The following MSRA variants were observed in gnomAD, a reference collection of about 807,000 sequenced individuals.
The protein encoded by MSRA is mitochondrial peptide methionine sulfoxide reductase.
Under a neutral mutation model 31.3 loss-of-function variants are expected in MSRA, and 54 were observed. The ratio of observed to expected loss-of-function variants is 1.73; its 90% CI spans 1.39 to 2.17. The LOEUF (loss-of-function observed/expected upper bound fraction) is 2.17, where lower values mean the gene tolerates loss of function less well. Ranked by LOEUF, MSRA falls within the 30% of genes most tolerant of loss-of-function variation. The probability of loss-of-function intolerance (pLI) is 0.00; values close to 1 mark genes in which losing one functional copy is unlikely to be tolerated. For missense variants in MSRA, 507 were observed against 300.9 expected, an observed-to-expected ratio of 1.69 and a Z score of -5.07; for synonymous variants, 169 against 116.5, an observed-to-expected ratio of 1.45 and a Z score of -2.90.
At chr8:10,369,806 G>A (rs1310752880) in intron 5 of MSRA, among the ~76,000 whole-genome samples, 3 of 152,114 alleles carry the variant, frequency 2.0e-5, no homozygotes, top group Non-Finnish European at 4.4e-5. Context: ...AGTCACAGAA[G>A]CAAAAATACA....
intron 3 of MSRA, among the ~76,000 whole-genome samples, chr8:10,250,130 C>A (rs1186504108): frequency 6.6e-6 from 1 of 152,208 alleles, no homozygotes; most frequent in African/African-American, 2.4e-5. Flanking sequence ...CACACACACA[C>A]ACCCTCAAAC....
intron 3 of MSRA, among the ~76,000 whole-genome samples, chr8:10,285,164 A>T (rs1458895280): frequency 6.6e-6 from 1 of 152,076 alleles, no homozygotes; most frequent in African/African-American, 2.4e-5. Context: ...AGCTCTCTTC[A>T]TCTTGTAAAA....
intron 5 of MSRA, among the ~76,000 whole-genome samples, chr8:10,334,507 A>G (rs1032346347): frequency 2.6e-5 from 4 of 152,052 alleles, no homozygotes; most frequent in Admixed American, 2.0e-4. Context: ...CGTTTCCTAC[A>G]GGGGCAGTGC....
chr8:10,289,571 T>C (rs1040643255), intron 3 of MSRA, among the ~76,000 whole-genome samples: 1 of 152,224 alleles, frequency 6.6e-6, no homozygotes, highest in African/African-American at 2.4e-5. Context: ...TTATTGACTA[T>C]AGTCACCCTG....
intron 5 of MSRA, among the ~76,000 whole-genome samples, chr8:10,394,730 T>C (rs1563430844): frequency 1.3e-5 from 2 of 152,342 alleles, no homozygotes; most frequent in East Asian, 3.9e-4. Context: ...CCCCAGCAGA[T>C]TGTATCAGCT....
Position 10,341,881 on chromosome 8 carries a change from A to G in MSRA, c.543+21892A>G, listed in dbSNP as rs188196323. Among the ~76,000 whole-genome samples the G allele has an allele frequency of 2.0e-5, 3 of 152,342 alleles. No homozygotes were observed. The East Asian group carries it at 5.8e-4, about 29-fold the overall frequency. ...ACAGTCAGCTGTTGATGAGGAAGGC[A>G]TGGCTCGGGACAGTGCCAGCTAAGA... On this transcript the variant is annotated intron_variant, in intron 5 of 5. Coordinates refer to ENST00000317173, the MANE Select transcript of MSRA (RefSeq NM_012331.5).
rs1806839238 is a variant in MSRA, at chr8:10,184,430, T to C, written c.143-23403T>C. On this transcript the variant is annotated intron_variant, in intron 1 of 5. Transcript: ENST00000317173. Reference sequence around the variant, plus strand: ...TAAACCTTGATAACTACTTTCTCTCTAGATGTAAAAGGTTTGGCTGGTGTT... The same window carrying C: ...TAAACCTTGATAACTACTTTCTCTCCAGATGTAAAAGGTTTGGCTGGTGTT... Among the ~76,000 whole-genome samples the C allele has an allele frequency of 3.3e-5, 5 of 152,188 alleles. No individual in the cohort carries two copies. The South Asian group carries it at 6.3e-4, about 19-fold the overall frequency.
intron 5 of MSRA, among the ~76,000 whole-genome samples, chr8:10,323,382 G>A (rs764660252): frequency 2.0e-5 from 3 of 152,100 alleles, no homozygotes; most frequent in Non-Finnish European, 2.9e-5. Context: ...AATACCAAGC[G>A]ACTCTGGAAG....
chr8:10,423,390 C>G (rs1170871276), intron 5 of MSRA, among the ~76,000 whole-genome samples: 1 of 152,174 alleles, frequency 6.6e-6, no homozygotes, highest in South Asian at 2.1e-4. Context: ...CCATCACTGA[C>G]TGGGACACCT....
intron 1 of MSRA, among the ~76,000 whole-genome samples, chr8:10,169,685 A>T (rs755918173): frequency 1.3e-5 from 2 of 152,244 alleles, no homozygotes; most frequent in African/African-American, 4.8e-5. Flanking sequence ...AATCTTGCCC[A>T]TGTTCATTCC....
At chr8:10,175,114 G>C (rs957185187) in intron 1 of MSRA, among the ~76,000 whole-genome samples, 2 of 151,972 alleles carry the variant, frequency 1.3e-5, no homozygotes, top group African/African-American at 4.8e-5. Context: ...CAACTTTTCT[G>C]CACTCACCCT....
chr8:10,224,473 A>G (rs1003595406), intron 2 of MSRA, among the ~76,000 whole-genome samples: 4 of 149,028 alleles, frequency 2.7e-5, no homozygotes, highest in Non-Finnish European at 5.9e-5. Context: ...TATTTAAACC[A>G]CAGCCTCAAC....
intron 5 of MSRA, among the ~76,000 whole-genome samples, chr8:10,320,996 A>G (rs774768169): frequency 6.6e-6 from 1 of 152,300 alleles, no homozygotes; most frequent in Non-Finnish European, 1.5e-5. Flanking sequence ...GGACTCCAAC[A>G]TATCTTTTGG....
intron 2 of MSRA, among the ~76,000 whole-genome samples, chr8:10,218,671 C>T (rs1810222089): frequency 6.6e-6 from 1 of 152,174 alleles, no homozygotes; most frequent in African/African-American, 2.4e-5. Flanking sequence ...TACCATTTTG[C>T]TCCATGTATC....
chr8:10,055,219 C>G (rs1284139329), intron 1 of MSRA, among the ~76,000 whole-genome samples: 1 of 152,188 alleles, frequency 6.6e-6, no homozygotes, highest in African/African-American at 2.4e-5. Context: ...CCGCTGTCCC[C>G]AGGGGCAGGG....
intron 5 of MSRA, among the ~76,000 whole-genome samples, chr8:10,410,009 A>G (rs1194188293): frequency 2.0e-5 from 3 of 152,218 alleles, no homozygotes; most frequent in East Asian, 3.9e-4. Flanking sequence ...GCAGTGAGCT[A>G]TCGTGGTGCC....
chr8:10,406,517 A>T (rs1387555723), intron 5 of MSRA, among the ~76,000 whole-genome samples: 3 of 152,136 alleles, frequency 2.0e-5, no homozygotes, highest in African/African-American at 4.8e-5. Flanking sequence ...GATGTTCAAG[A>T]ATAGGCAGGC....
intron 3 of MSRA, chr8:10,250,365 G>T: frequency 1.4e-6 from 1 of 697,598 alleles, no homozygotes; most frequent in Non-Finnish European, 2.6e-6. Flanking sequence ...CCCATTTCTG[G>T]CAAGAAAACC....
intron 1 of MSRA, among the ~76,000 whole-genome samples, chr8:10,191,890 A>G (rs1807541923): frequency 1.3e-5 from 2 of 152,210 alleles, no homozygotes; most frequent in African/African-American, 4.8e-5. Context: ...AGTTTAAAAC[A>G]ACACTCATTT....
Sources: allele counts gnomAD v4.1 joint callset (sites outside exome capture counted in the v4.1 genomes callset), GRCh38; gene constraint gnomAD v4.1.1; transcripts MANE v1.5; gene names NCBI Gene and HGNC (gene_info 2026-07-23, HGNC 2026-07-21).